RRM2B: variants seen among roughly 807,000 people sequenced by gnomAD.
RRM2B encodes the protein ribonucleotide reductase regulatory TP53 inducible subunit M2B.
Under a neutral mutation model 45.9 loss-of-function variants are expected in RRM2B, and 20 were observed. The ratio of observed to expected loss-of-function variants is 0.44; its 90% CI spans 0.31 to 0.63. RRM2B has a LOEUF of 0.63. RRM2B is among the 30% of genes least tolerant of loss of function. The pLI is 0.09. For synonymous variants in RRM2B, 124 were observed against 132.3 expected, an observed-to-expected ratio of 0.94 and a Z score of 0.43; for missense variants, 320 against 414.7, an observed-to-expected ratio of 0.77 and a Z score of 1.98.
intron 5 of RRM2B, among the ~76,000 whole-genome samples, chr8:102,219,250 T>C (rs1331833176): frequency 6.6e-6 from 1 of 152,200 alleles, no homozygotes; most frequent in Non-Finnish European, 1.5e-5. Flanking sequence ...CACATGACTA[T>C]GAGTGCAGGT....
At chr8:102,212,325 T>A (rs1348490185) in intron 8 of RRM2B, among the ~76,000 whole-genome samples, 1 of 152,190 alleles carries the variant, frequency 6.6e-6, no homozygotes, top group Non-Finnish European at 1.5e-5. Context: ...TTCAGGTACA[T>A]TATCTCTGAT....
intron 6 of RRM2B, among the ~76,000 whole-genome samples, chr8:102,215,944 C>CAAAAAAAAAAAAAAAAAAAAAAAAA (rs60059243): frequency 4.2e-4 from 32 of 75,694 alleles, no homozygotes; most frequent in African/African-American, 1.0e-3. Flanking sequence ...GACCCTGTCT[C>CAAAAAAAAAAAAAAAAAAAAAAAAA]AAAAAAAAAA....
At chr8:102,229,111 G>A (rs1424815083) in intron 2 of RRM2B, among the ~76,000 whole-genome samples, 1 of 152,162 alleles carries the variant, frequency 6.6e-6, no homozygotes, top group Non-Finnish European at 1.5e-5. Context: ...AAATTAGCTA[G>A]GCATGGTGGC....
intron 6 of RRM2B, among the ~76,000 whole-genome samples, chr8:102,215,518 A>G (rs1478731659): frequency 6.6e-6 from 1 of 152,164 alleles, no homozygotes; most frequent in East Asian, 1.9e-4. Flanking sequence ...CAAAATCCCA[A>G]TGGAATTGGT....
rs1810778224 is a variant in RRM2B, at chr8:102,218,874, T to C, written c.624A>G (p.Leu208=). The change falls in exon 6 of 9, where the codon CTA becomes CTG. Residue 208 remains leucine (L), a synonymous_variant. Coordinates refer to ENST00000251810, the MANE Select transcript of RRM2B (RefSeq NM_015713.5). ...FSGSFAAIFW[L]KKRGLMPGLT... ...GTCCTGGCATAAGACCTCTCTTCTTTAGCCAGAATATAGCAGCAAAAGATC... is the reference window on the plus strand; with the variant it reads ...GTCCTGGCATAAGACCTCTCTTCTTCAGCCAGAATATAGCAGCAAAAGATC... 1.2e-6 allele frequency: 2 copies of C among 1,613,914 alleles called. No homozygotes were observed. Among genetic ancestry groups the C allele is most frequent in the Non-Finnish European group, 1.7e-6 (2 of 1,179,790 alleles).
At chr8:102,210,665 G>T (rs1259014153) in intron 8 of RRM2B, among the ~76,000 whole-genome samples, 3 of 152,184 alleles carry the variant, frequency 2.0e-5, no homozygotes, top group Non-Finnish European at 4.4e-5. Context: ...GTTTCACCAT[G>T]TTGGCCAGGC....
chr8:102,211,098 G>GCCTCCCAGGCTCAAGTGAT (rs535418688), intron 8 of RRM2B, among the ~76,000 whole-genome samples: 5,287 of 152,022 alleles, frequency 0.035, 162 homozygotes, highest in Admixed American at 0.085. Flanking sequence ...TGCAACCTCT[G>GCCTCCCAGGCTCAAGTGAT]CCTCCCAGGC....
chr8:102,223,167 TAGTA>T (rs1019022255), intron 5 of RRM2B, among the ~76,000 whole-genome samples: 8 of 152,262 alleles, frequency 5.3e-5, no homozygotes, highest in African/African-American at 1.7e-4. Flanking sequence ...TAATTAAATT[TAGTA>T]AGTATTTATT....
intron 2 of RRM2B, among the ~76,000 whole-genome samples, chr8:102,229,274 CA>C (rs899199808): frequency 2.6e-4 from 39 of 149,316 alleles, no homozygotes; most frequent in East Asian, 5.8e-4. Flanking sequence ...ACAACAACAA[CA>C]AAAAAAAAAA....
At chr8:102,223,923 T>C in intron 5 of RRM2B, 123 bp downstream of exon 5, 1 of 764,548 alleles carries the variant, frequency 1.3e-6, no homozygotes, top group Non-Finnish European at 2.4e-6. Context: ...TAAAGGTGCA[T>C]TTGAGACATT....
intron 5 of RRM2B, among the ~76,000 whole-genome samples, 188 bp downstream of exon 5, chr8:102,223,858 T>G (rs1166406620): frequency 2.6e-5 from 4 of 152,244 alleles, no homozygotes. Context: ...TTAAGTAGAA[T>G]AGGTAACAGC....
At position 102,224,787 on chromosome 8, in the gene RRM2B, T is replaced by C. The variant is rs1039812410; in HGVS notation, c.455+98A>G. Reference sequence around the variant, plus strand: ...ATATTATGCTCAGAAACTTCCATACTTGAATAATCTTTCCTTAACATTGAG... The same window carrying C: ...ATATTATGCTCAGAAACTTCCATACCTGAATAATCTTTCCTTAACATTGAG... On this transcript the variant is annotated intron_variant, in intron 4 of 8. Coordinates refer to ENST00000251810, the MANE Select transcript of RRM2B (RefSeq NM_015713.5). 1.1e-5 allele frequency: 14 copies of C among 1,225,612 alleles called. No homozygotes were observed. The African/African-American group carries it at 1.8e-4, about 16-fold the overall frequency. 75.9% of individuals were successfully genotyped at this position (1,225,612 alleles called of 1,614,324 possible). A position where few individuals can be genotyped will look rare whatever the true frequency, so the allele number is the denominator to read the frequency against.
intron 2 of RRM2B, among the ~76,000 whole-genome samples, chr8:102,229,457 C>T (rs1291801593): frequency 2.0e-5 from 3 of 152,216 alleles, no homozygotes; most frequent in Non-Finnish European, 2.9e-5. Flanking sequence ...GGGGATACAA[C>T]GGAGCAGGGT....
intron 6 of RRM2B, among the ~76,000 whole-genome samples, chr8:102,215,045 T>TAAAAAAAAAAAAAAAA (rs3063793): frequency 8.1e-5 from 5 of 61,774 alleles, no homozygotes; most frequent in African/African-American, 1.4e-4. Context: ...AGCTAAATAT[T>TAAAAAAAAAAAAAAAA]AAAAAAAAAA....
Position 102,216,236 on chromosome 8 carries a change from A to G in RRM2B, c.685-2078T>C, listed in dbSNP as rs562523291. 2.0e-4 allele frequency among the ~76,000 whole-genome samples: 31 copies of G among 152,118 alleles called. No individual in the cohort carries two copies. In the South Asian group the frequency reaches 4.4e-3, roughly 21 times the overall value. ...AGGCAAATTGGAAAAACTTCCCAAG[A>G]GTGTTTAAAATAAAATTAAATTCTA... is the stretch of plus-strand genomic sequence containing the variant. On this transcript the variant is annotated intron_variant, in intron 6 of 8. Coordinates refer to ENST00000251810, the MANE Select transcript of RRM2B (RefSeq NM_015713.5).
At chr8:102,222,292 G>A (rs1472897457) in intron 5 of RRM2B, among the ~76,000 whole-genome samples, 6 of 152,054 alleles carry the variant, frequency 3.9e-5, no homozygotes, top group African/African-American at 1.4e-4. Flanking sequence ...GCCCAGACTG[G>A]TCTTCAACTG....
At chr8:102,215,770 C>A (rs576161767) in intron 6 of RRM2B, among the ~76,000 whole-genome samples, 1 of 151,962 alleles carries the variant, frequency 6.6e-6, no homozygotes, top group African/African-American at 2.4e-5. Flanking sequence ...CACAGTGAGA[C>A]CCTGCGTCTA....
At chr8:102,209,586 G>T (rs1254872253) in intron 8 of RRM2B, among the ~76,000 whole-genome samples, 2 of 152,200 alleles carry the variant, frequency 1.3e-5, no homozygotes, top group African/African-American at 4.8e-5. Flanking sequence ...TTCTTCTAAT[G>T]ATTAAACATG....
chr8:102,217,246 G>A (rs1810745586), intron 6 of RRM2B, among the ~76,000 whole-genome samples: 1 of 151,806 alleles, frequency 6.6e-6, no homozygotes, highest in Non-Finnish European at 1.5e-5. Context: ...ATATATGAAT[G>A]ATTAAAATAT....
Sources: allele counts gnomAD v4.1 joint callset (sites outside exome capture counted in the v4.1 genomes callset), GRCh38; gene constraint gnomAD v4.1.1; transcripts MANE v1.5; gene names NCBI Gene and HGNC (gene_info 2026-07-23, HGNC 2026-07-21).